The following KDM2B variants were observed in gnomAD, a reference collection of about 807,000 sequenced individuals.
The protein encoded by KDM2B is lysine-specific demethylase 2B.
KDM2B carries 26 observed loss-of-function variants against 150.0 expected under a neutral mutation model. That is an observed-to-expected ratio of 0.17 (90% CI 0.13 to 0.24). The LOEUF (loss-of-function observed/expected upper bound fraction) is 0.24. Ranked by LOEUF, KDM2B falls within the 10% of genes least tolerant of loss-of-function variation. The probability of loss-of-function intolerance (pLI) is 1.00; values close to 1 mark genes in which losing one functional copy is unlikely to be tolerated. For missense variants in KDM2B, 1,265 were observed against 1,816.9 expected (o/e 0.70, Z 5.52); for synonymous variants, 734 against 729.5 (o/e 1.01, Z -0.10).
the KDM2B span, chr12:121,420,202 A>C: frequency 3.8e-6 from 6 of 1,594,206 alleles, no homozygotes; most frequent in Non-Finnish European, 5.2e-6. Flanking sequence ...ATAAATACAG[A>C]TTGATTCCTG....
the KDM2B span, chr12:121,417,774 T>G: frequency 6.2e-7 from 1 of 1,614,204 alleles, no homozygotes; most frequent in Non-Finnish European, 8.5e-7. The surrounding 1 kb of genome is among the most constrained non-coding windows in gnomAD (Gnocchi z 5.0). Context: ...CAGTCTGAAT[T>G]CTTCAAGGTC....
intron 12 of KDM2B, among the ~76,000 whole-genome samples, chr12:121,465,483 G>A (rs895775492): frequency 1.1e-4 from 16 of 152,066 alleles, no homozygotes; most frequent in African/African-American, 3.6e-4. Flanking sequence ...ATCCACCCGC[G>A]TTGGCCTCCC....
Position 121,494,585 on chromosome 12 carries a change from A to G in KDM2B, c.1728T>C (p.Thr576=). ...GVPVVTWPKK[T]PKNRAVGRPK... ...CAGGCAGGCTGCGTCTTACCTTTGGAGTCTTCTTTGGCCAAGTCACCACAG... is the reference window on the plus strand; with the variant it reads ...CAGGCAGGCTGCGTCTTACCTTTGGGGTCTTCTTTGGCCAAGTCACCACAG... Residue 576 remains threonine, a synonymous_variant, in exon 12 of 23, where the codon ACT becomes ACC. Transcript: ENST00000377071. The G allele has an allele frequency of 6.2e-7, 1 of 1,612,662 alleles. No homozygotes were observed. The highest frequency in any genetic ancestry group is 8.5e-7 in the Non-Finnish European group (1 of 1,179,220).
chr12:121,466,125 A>C (rs1037574600), intron 12 of KDM2B, among the ~76,000 whole-genome samples: 1 of 151,678 alleles, frequency 6.6e-6, no homozygotes, highest in African/African-American at 2.4e-5. Context: ...CCTCAATTGC[A>C]CCTAATGATG....
chr12:121,425,348 A>G (rs1275437352), downstream of KDM2B, among the ~76,000 whole-genome samples: 1 of 152,098 alleles, frequency 6.6e-6, no homozygotes, highest in Non-Finnish European at 1.5e-5. Flanking sequence ...CTATTATGCA[A>G]AAATGTTGTG....
chr12:121,502,600 A>C (rs1371845155), intron 11 of KDM2B, among the ~76,000 whole-genome samples: 3 of 151,418 alleles, frequency 2.0e-5, no homozygotes, highest in Non-Finnish European at 4.4e-5. Flanking sequence ...CAGCCTGGGC[A>C]ACAGAGAGAG....
At chr12:121,477,580 T>C (rs1373188983) in intron 12 of KDM2B, among the ~76,000 whole-genome samples, 3 of 20,450 alleles carry the variant, frequency 1.5e-4, no homozygotes, top group Non-Finnish European at 2.4e-4. Context: ...TTGTCTTTCC[T>C]TTTTTTTTTT....
At chr12:121,529,757 C>T (rs1402620947) in intron 8 of KDM2B, among the ~76,000 whole-genome samples, 4 of 151,712 alleles carry the variant, frequency 2.6e-5, no homozygotes, top group Admixed American at 1.3e-4. Flanking sequence ...TGGCAAAACC[C>T]CGTTGCTACT....
chr12:121,557,231 A>ATTTTTT (rs142679491), intron 4 of KDM2B, among the ~76,000 whole-genome samples: 3 of 103,724 alleles, frequency 2.9e-5, no homozygotes, highest in Non-Finnish European at 3.6e-5. Context: ...AGACAAGAGA[A>ATTTTTT]TTTTTTTTTT....
the KDM2B span, chr12:121,423,411 T>C: frequency 6.2e-7 from 1 of 1,610,580 alleles, no homozygotes. The surrounding 1 kb of genome is among the most constrained non-coding windows in gnomAD (Gnocchi z 4.3). Context: ...AGCTGCAGGA[T>C]GAGGAAGACG....
At chr12:121,517,654 A>T (rs1459310264) in intron 9 of KDM2B, among the ~76,000 whole-genome samples, 2 of 151,518 alleles carry the variant, frequency 1.3e-5, no homozygotes, top group Non-Finnish European at 2.9e-5. Flanking sequence ...TTTTTTTAGT[A>T]GAGATGGGGT....
At chr12:121,457,459 G>A (rs1406469138) in intron 12 of KDM2B, among the ~76,000 whole-genome samples, 2 of 151,730 alleles carry the variant, frequency 1.3e-5, no homozygotes, top group Non-Finnish European at 2.9e-5. Context: ...ATAGCATTTC[G>A]TCATGTTGGC....
chr12:121,536,245 G>A (rs1198458875), intron 6 of KDM2B: 3 of 223,994 alleles, frequency 1.3e-5, no homozygotes, highest in Non-Finnish European at 2.2e-5. Flanking sequence ...TGCAGGCGGC[G>A]TGCCCGCGTC....
the KDM2B span, among the ~76,000 whole-genome samples, chr12:121,413,381 T>C: frequency 1.3e-5 from 2 of 151,598 alleles, no homozygotes; most frequent in African/African-American, 4.9e-5. Flanking sequence ...TATATAATCA[T>C]TTAAAGGTAT....
At chr12:121,509,098 GC>G (rs1885349472) in intron 11 of KDM2B, among the ~76,000 whole-genome samples, 1 of 152,074 alleles carries the variant, frequency 6.6e-6, no homozygotes, top group Non-Finnish European at 1.5e-5. Context: ...TTGCTCTGTT[GC>G]CCAGGCTGGA....
Position 121,521,108 on chromosome 12 carries a change from G to C in KDM2B, c.932-8C>G. 2 of 1,604,122 alleles carry C rather than the reference G, an allele frequency of 1.2e-6. No homozygotes were observed. Among genetic ancestry groups the C allele is most frequent in the East Asian group, 4.5e-5 (2 of 44,780 alleles). On this transcript the variant is annotated splice_region_variant and splice_polypyrimidine_tract_variant and intron_variant, in intron 8 of 22. Transcript: ENST00000377071. The surrounding 1 kb of genome is among the most constrained non-coding windows in gnomAD (Gnocchi z 4.9). ...AGACGGCATGGATCCAACCTGGGGT[G>C]GGAAGGGCAAGGAGAGGATGAGCCG...
chr12:121,426,269 AT>A (rs1555284222), downstream of KDM2B, among the ~76,000 whole-genome samples: 1 of 152,140 alleles, frequency 6.6e-6, no homozygotes, highest in African/African-American at 2.4e-5. Flanking sequence ...TGCTTGGTGG[AT>A]TTTTTAGATA....
rs1046844939 is a variant in KDM2B, at chr12:121,442,927, C to T, written c.2604+65G>A. On this transcript the variant is annotated intron_variant, in intron 18 of 22. Coordinates refer to ENST00000377071, the MANE Select transcript of KDM2B (RefSeq NM_032590.5). The surrounding 1 kb of genome is among the most constrained non-coding windows in gnomAD (Gnocchi z 7.7). ...GCCCCCCTGCCACGGGACTGTGGCCCAGGGAGCTGCGGTGCAGCTCTAACC... is the reference window on the plus strand; with the variant it reads ...GCCCCCCTGCCACGGGACTGTGGCCTAGGGAGCTGCGGTGCAGCTCTAACC... The T allele has an allele frequency of 4.5e-5, 72 of 1,592,696 alleles. No homozygotes were observed. Among genetic ancestry groups the T allele is most frequent in the Admixed American group, 3.2e-4 (18 of 56,310 alleles).
intron 2 of KDM2B, among the ~76,000 whole-genome samples, chr12:121,576,830 G>A (rs1466495896): frequency 6.6e-6 from 1 of 152,186 alleles, no homozygotes; most frequent in East Asian, 1.9e-4. Flanking sequence ...GAGAAGAAGA[G>A]GCCTCAGGCC....
Sources: gnomAD v4.1 joint callset for allele counts (sites outside exome capture counted in the v4.1 genomes callset) on GRCh38, gnomAD v4.1.1 for gene constraint, Gnocchi (gnomAD v3.1) non-coding constraint, MANE v1.5 for transcripts, NCBI Gene and HGNC (gene_info 2026-07-23, HGNC 2026-07-21) for gene names.